Variants in CPPED1 observed in about 807,000 individuals in gnomAD.
The protein encoded by CPPED1 is calcineurin like phosphoesterase domain containing 1.
Under a neutral mutation model 28.0 loss-of-function variants are expected in CPPED1, and 28 were observed. The ratio of observed to expected loss-of-function variants is 1.00; its 90% CI spans 0.74 to 1.37. CPPED1 has a LOEUF of 1.37. CPPED1 is among the 40% of genes most tolerant of loss of function. CPPED1 has a pLI of 0.00. For missense variants in CPPED1, 504 were observed against 416.5 expected (o/e 1.21, Z -1.83); for synonymous variants, 198 against 180.2 (o/e 1.10, Z -0.79).
At chr16:12,703,522 A>C (rs1193105263) in intron 3 of CPPED1, among the ~76,000 whole-genome samples, 1 of 152,078 alleles carries the variant, frequency 6.6e-6, no homozygotes, top group Non-Finnish European at 1.5e-5. Context: ...TCTCTACTAA[A>C]AGTACAAAAA....
intron 1 of CPPED1, among the ~76,000 whole-genome samples, chr16:12,792,587 G>C (rs547420122): frequency 6.6e-6 from 1 of 152,214 alleles, no homozygotes; most frequent in East Asian, 1.9e-4. Context: ...GTTTGGCTGT[G>C]TCCCCACCCA....
intron 1 of CPPED1, among the ~76,000 whole-genome samples, chr16:12,782,652 G>A (rs2080539377): frequency 6.6e-6 from 1 of 151,128 alleles, no homozygotes; most frequent in Non-Finnish European, 1.5e-5. Context: ...CTGAGGTCAA[G>A]GGTCTGAGAC....
At chr16:12,727,219 T>C (rs2080174751) in intron 2 of CPPED1, among the ~76,000 whole-genome samples, 1 of 152,138 alleles carries the variant, frequency 6.6e-6, no homozygotes, top group Non-Finnish European at 1.5e-5. Context: ...ATTATCCAGA[T>C]AGGCATTCTG....
At chr16:12,683,476 C>G (rs1249968421) in intron 3 of CPPED1, among the ~76,000 whole-genome samples, 2 of 152,172 alleles carry the variant, frequency 1.3e-5, no homozygotes, top group Non-Finnish European at 2.9e-5. Flanking sequence ...AGAATCATTT[C>G]CCAGCCAACA....
At chr16:12,675,251 G>C (rs1225638138) in intron 3 of CPPED1, among the ~76,000 whole-genome samples, 1 of 152,212 alleles carries the variant, frequency 6.6e-6, no homozygotes, top group Non-Finnish European at 1.5e-5. Context: ...ATCTGTGGCT[G>C]ACATGCCTCT....
chr16:12,780,146 AG>A (rs559623007), intron 2 of CPPED1, among the ~76,000 whole-genome samples: 153 of 152,132 alleles, frequency 1.0e-3, no homozygotes, highest in Non-Finnish European at 1.8e-3. Flanking sequence ...TGTGAGCCAG[AG>A]GGGTATGAGC....
At chr16:12,764,030 C>CT (rs2080424981) in intron 2 of CPPED1, among the ~76,000 whole-genome samples, 1 of 91,902 alleles carries the variant, frequency 1.1e-5, no homozygotes, top group African/African-American at 4.9e-5. Context: ...CTCCCATTTG[C>CT]ATTTTTTTTT....
At chr16:12,736,360 C>A (rs1339494692) in intron 2 of CPPED1, among the ~76,000 whole-genome samples, 15 of 151,958 alleles carry the variant, frequency 9.9e-5, no homozygotes, top group Non-Finnish European at 1.8e-4. Flanking sequence ...ATTCTCATAC[C>A]TCCCGGGTAG....
chr16:12,719,218 C>T (rs1185461108), intron 2 of CPPED1, among the ~76,000 whole-genome samples: 5 of 151,880 alleles, frequency 3.3e-5, no homozygotes, highest in African/African-American at 1.2e-4. Flanking sequence ...GGTGAAACCC[C>T]GACTCTACTA....
chr16:12,713,337 C>T (rs905199757), intron 2 of CPPED1, among the ~76,000 whole-genome samples: 6 of 152,026 alleles, frequency 3.9e-5, no homozygotes, highest in Non-Finnish European at 8.8e-5. Context: ...GGTGGTTGTC[C>T]TGGTCTTTTA....
At chr16:12,802,548 C>T (rs561791197) in intron 1 of CPPED1, among the ~76,000 whole-genome samples, 2 of 152,284 alleles carry the variant, frequency 1.3e-5, no homozygotes, top group South Asian at 4.1e-4. Context: ...TTACAGTGAG[C>T]CAAGATCGTG....
Position 12,803,808 on chromosome 16 carries a change from A to G in CPPED1, c.-32T>C, listed in dbSNP as rs1414756215. 3.2e-6 allele frequency: 5 copies of G among 1,581,122 alleles called. No individual in the cohort carries two copies. The highest frequency in any genetic ancestry group is 1.8e-5 in the Admixed American group (1 of 55,470). On this transcript the variant is annotated 5_prime_UTR_variant, in exon 1 of 4. Coordinates refer to ENST00000381774, the MANE Select transcript of CPPED1 (RefSeq NM_018340.3). ...CGAGTTTCTGGCCTTCACTTAGAAC[A>G]CTGCGTGGGTGGAAGCCGCGCGACT... is the stretch of plus-strand genomic sequence containing the variant.
rs112505405 is a variant in CPPED1 at position 12,735,492 on chromosome 16, G to A, written c.290-30443C>T. Among the ~76,000 whole-genome samples the A allele has an allele frequency of 6.7e-3, 1,022 of 152,246 alleles. 5 individuals are homozygous for A. The highest frequency in any genetic ancestry group is 0.034 in the Middle Eastern group (10 of 294). On this transcript the variant is annotated intron_variant, in intron 2 of 3. Transcript: ENST00000381774. ...GCTAATTTTTGTATTTTTATTACAG[G>A]CGAGGTTTCACCATGTTGGCCAGGC...
At chr16:12,737,212 T>A (rs528144359) in intron 2 of CPPED1, among the ~76,000 whole-genome samples, 98 of 149,346 alleles carry the variant, frequency 6.6e-4, no homozygotes, top group Non-Finnish European at 1.2e-3. Context: ...ATAATAATAA[T>A]AAAAAAAATC....
intron 2 of CPPED1, among the ~76,000 whole-genome samples, chr16:12,760,042 C>T (rs900075412): frequency 6.6e-5 from 10 of 152,138 alleles, no homozygotes; most frequent in Admixed American, 5.9e-4. Flanking sequence ...GTGGGTTCCA[C>T]GTCTGTGGAT....
chr16:12,677,004 C>G (rs1477687457), intron 3 of CPPED1, among the ~76,000 whole-genome samples: 1 of 152,090 alleles, frequency 6.6e-6, no homozygotes, highest in Non-Finnish European at 1.5e-5. Context: ...AAACACCTGC[C>G]AAGTAGAGGT....
chr16:12,745,585 T>C (rs1253451324), intron 2 of CPPED1, among the ~76,000 whole-genome samples: 2 of 152,148 alleles, frequency 1.3e-5, no homozygotes, highest in Non-Finnish European at 2.9e-5. Context: ...GAAAACCAAA[T>C]ACCGCATGTT....
chr16:12,769,299 G>T (rs915153988), intron 2 of CPPED1, among the ~76,000 whole-genome samples: 2 of 152,102 alleles, frequency 1.3e-5, no homozygotes, highest in African/African-American at 4.8e-5. Context: ...TATTTCAATA[G>T]AATTGGTTTC....
intron 3 of CPPED1, among the ~76,000 whole-genome samples, chr16:12,673,333 C>T (rs2079862198): frequency 6.6e-6 from 1 of 152,178 alleles, no homozygotes; most frequent in Admixed American, 6.5e-5. Context: ...CGCTGAACGG[C>T]TGGACAGAAA....
Sources: gnomAD v4.1 joint callset for allele counts (sites outside exome capture counted in the v4.1 genomes callset) on GRCh38, gnomAD v4.1.1 for gene constraint, MANE v1.5 for transcripts, NCBI Gene and HGNC (gene_info 2026-07-23, HGNC 2026-07-21) for gene names.